IL21R: variants seen among roughly 807,000 people sequenced by gnomAD.
The protein encoded by IL21R is interleukin-21 receptor.
Under a neutral mutation model 41.3 loss-of-function variants are expected in IL21R, and 14 were observed. That is an observed-to-expected ratio of 0.34 (90% CI 0.22 to 0.53). The LOEUF is 0.53. Ranked by LOEUF, IL21R falls within the 20% of genes least tolerant of loss-of-function variation. The probability of loss-of-function intolerance (pLI) is 0.94; values close to 1 mark genes in which losing one functional copy is unlikely to be tolerated. For missense variants in IL21R, 588 were observed against 681.6 expected, an observed-to-expected ratio of 0.86 and a Z score of 1.53; for synonymous variants, 286 against 287.6, an observed-to-expected ratio of 0.99 and a Z score of 0.05.
intron 1 of IL21R, among the ~76,000 whole-genome samples, chr16:27,405,212 T>C (rs2086723348): frequency 6.6e-6 from 1 of 151,924 alleles, no homozygotes; most frequent in Non-Finnish European, 1.5e-5. Context: ...TTTGTATTTT[T>C]AGTGGAGGCG....
At chr16:27,427,267 G>T (rs1027638695) in intron 1 of IL21R, 45 of 985,432 alleles carry the variant, frequency 4.6e-5, no homozygotes, top group Non-Finnish European at 5.2e-5. Flanking sequence ...ACTAGAGGCA[G>T]CTCAGATAGA....
At chr16:27,442,485 T>C (rs2087406571) in intron 4 of IL21R, among the ~76,000 whole-genome samples, 1 of 152,170 alleles carries the variant, frequency 6.6e-6, no homozygotes, top group Non-Finnish European at 1.5e-5. Context: ...TGCCTCAGCC[T>C]CCCGAGTAGA....
chr16:27,435,478 G>A (rs1272098507), intron 3 of IL21R, among the ~76,000 whole-genome samples: 2 of 151,492 alleles, frequency 1.3e-5, no homozygotes, highest in African/African-American at 4.9e-5. Flanking sequence ...TTTTGAGACA[G>A]GGTCTTGCTC....
At chr16:27,429,764 A>T (rs908445526) in intron 1 of IL21R, among the ~76,000 whole-genome samples, 1 of 151,992 alleles carries the variant, frequency 6.6e-6, no homozygotes, top group Non-Finnish European at 1.5e-5. Flanking sequence ...ACAGAACATG[A>T]CCCCATCTCT....
At chr16:27,440,222 AATATATAT>A (rs60418304) in intron 4 of IL21R, among the ~76,000 whole-genome samples, 11 of 75,894 alleles carry the variant, frequency 1.4e-4, no homozygotes, top group East Asian at 6.2e-4. Flanking sequence ...TAATCTGACA[AATATATAT>A]ATATATATAT....
rs3093410 is a variant in IL21R, at chr16:27,450,081, G to T, written c.*798G>T. On this transcript the variant is annotated 3_prime_UTR_variant, in exon 9 of 9. Transcript: ENST00000337929. Reference sequence around the variant, plus strand: ...TAAACGTCAGCTTCCTTCCTTCTGCGGCCAGAGCCGAGGCGGGCGGGGGTG... The same window carrying T: ...TAAACGTCAGCTTCCTTCCTTCTGCTGCCAGAGCCGAGGCGGGCGGGGGTG... The T allele has an allele frequency of 7.9e-3, 1,832 of 232,662 alleles. 18 individuals carry two copies. The highest frequency in any genetic ancestry group is 0.013 in the Non-Finnish European group (1,494 of 117,692). 14.4% of individuals were successfully genotyped at this position (232,662 alleles called of 1,614,324 possible).
intron 1 of IL21R, among the ~76,000 whole-genome samples, chr16:27,405,010 C>T (rs1009081774): frequency 6.6e-6 from 1 of 151,746 alleles, no homozygotes. Flanking sequence ...GAGAAGTGCC[C>T]GCTATCATGT....
intron 4 of IL21R, among the ~76,000 whole-genome samples, chr16:27,441,476 C>T (rs2087387733): frequency 6.6e-6 from 1 of 152,144 alleles, no homozygotes; most frequent in African/African-American, 2.4e-5. Flanking sequence ...AAGATGAGGA[C>T]CATCAGATTG....
At position 27,441,472 on chromosome 16, in the gene IL21R, A is replaced by C. The variant is rs182648873; in HGVS notation, c.353-1490A>C. On this transcript the variant is annotated intron_variant, in intron 4 of 8. Transcript: ENST00000337929. ...ACTTGCCAGGAGACGCTGAAAGATG[A>C]GGACCATCAGATTGGCCTCCCAGGG... is the stretch of plus-strand genomic sequence containing the variant. Among the ~76,000 whole-genome samples, 461 of 152,328 alleles carry C rather than the reference A, an allele frequency of 3.0e-3. 2 individuals carry two copies. The highest frequency in any genetic ancestry group is 5.5e-3 in the Non-Finnish European group (374 of 68,028).
chr16:27,419,814 AG>A (rs2086970039), intron 1 of IL21R, among the ~76,000 whole-genome samples: 1 of 134,262 alleles, frequency 7.4e-6, no homozygotes, highest in Non-Finnish European at 1.6e-5. Flanking sequence ...CCAGTAACAT[AG>A]TTTATTATTA....
At chr16:27,408,449 G>C (rs1039009405) in intron 1 of IL21R, among the ~76,000 whole-genome samples, 15 of 152,160 alleles carry the variant, frequency 9.9e-5, no homozygotes, top group African/African-American at 3.4e-4. Flanking sequence ...AGGAATTTGG[G>C]GTTTTTCTTT....
chr16:27,402,764 G>A (rs867365039), intron 1 of IL21R, 146 bp downstream of exon 1: 1 of 227,882 alleles, frequency 4.4e-6, no homozygotes, highest in Admixed American at 5.2e-5. Flanking sequence ...AGGCAAAGAA[G>A]ATTCATGCAG....
chr16:27,404,678 A>G (rs1026480555), intron 1 of IL21R, among the ~76,000 whole-genome samples: 24 of 152,042 alleles, frequency 1.6e-4, no homozygotes, highest in Non-Finnish European at 2.8e-4. Context: ...TAGATGGGGG[A>G]ACTGGAACTG....
chr16:27,436,866 A>T (rs1315177760), intron 3 of IL21R, among the ~76,000 whole-genome samples: 1 of 152,166 alleles, frequency 6.6e-6, no homozygotes, highest in East Asian at 1.9e-4. Flanking sequence ...TGAGCCCAGG[A>T]GTTTGAGACC....
intron 1 of IL21R, 40 bp from the exon 2 acceptor site, chr16:27,430,016 G>C: frequency 6.3e-7 from 1 of 1,583,236 alleles, no homozygotes; most frequent in Non-Finnish European, 8.6e-7. Context: ...GGGGAGCCCT[G>C]AGCCCGCCTG....
intron 8 of IL21R, among the ~76,000 whole-genome samples, chr16:27,447,061 C>G (rs2087493610): frequency 6.6e-6 from 1 of 152,208 alleles, no homozygotes; most frequent in South Asian, 2.1e-4. Context: ...TTCACAGCAG[C>G]CCCTGCAGAG....
chr16:27,433,080 G>A (rs3093318), intron 2 of IL21R, among the ~76,000 whole-genome samples: 4,614 of 152,254 alleles, frequency 0.03, 120 homozygotes, highest in Non-Finnish European at 0.045. Context: ...GTCCTAGAGT[G>A]AGACCCAGGA....
Position 27,435,009 on chromosome 16 carries a change from C to A in IL21R, c.152+560C>A, listed in dbSNP as rs183114093. ...CAGGTGCAGTGGCTCATGTTTCTAA[C>A]CCCAGCACTTTGGGAGGCCAAGGAA... is the stretch of plus-strand genomic sequence containing the variant. On this transcript the variant is annotated intron_variant, in intron 3 of 8. Coordinates refer to ENST00000337929, the MANE Select transcript of IL21R (RefSeq NM_181078.3). Among the ~76,000 whole-genome samples the A allele has an allele frequency of 2.0e-3, 312 of 152,216 alleles. 1 individual carries two copies. Among genetic ancestry groups the A allele is most frequent in the Non-Finnish European group, 3.2e-3 (216 of 67,996 alleles).
chr16:27,449,420 C>CTGTG lies in IL21R; in HGVS notation c.*148_*151dup. Reference sequence around the variant, plus strand: ...CCTTTGAGCCTGATGTTTACAGTGTCTGTGTGTGTGTGTGCATATGTGTGT... The same window carrying CTGTG: ...CCTTTGAGCCTGATGTTTACAGTGTCTGTGTGTGTGTGTGTGTGCATATGTGTGT... On this transcript the variant is annotated 3_prime_UTR_variant, in exon 9 of 9. Coordinates refer to ENST00000337929, the MANE Select transcript of IL21R (RefSeq NM_181078.3). The CTGTG allele has an allele frequency of 1.3e-6, 1 of 798,936 alleles. No individual in the cohort carries two copies. The allele number at this position is 798,936 out of a possible 1,614,324, so 49.5% of individuals were successfully genotyped here.
Sources: allele counts gnomAD v4.1 joint callset (sites outside exome capture counted in the v4.1 genomes callset), GRCh38; gene constraint gnomAD v4.1.1; transcripts MANE v1.5; gene names NCBI Gene and HGNC (gene_info 2026-07-23, HGNC 2026-07-21).